The following SLC22A7 variants were observed in gnomAD, a reference collection of about 807,000 sequenced individuals.
SLC22A7 encodes hOAT2.
A neutral mutation model predicts 62.2 loss-of-function variants in SLC22A7; 48 were observed. The ratio of observed to expected loss-of-function variants is 0.77; its 90% CI spans 0.61 to 0.98. The LOEUF (loss-of-function observed/expected upper bound fraction) is 0.98, where lower values mean the gene tolerates loss of function less well. Among genes scored for constraint, SLC22A7 ranks in the 50% least tolerant of loss-of-function variants. The probability of loss-of-function intolerance (pLI) is 0.00; values close to 1 mark genes in which losing one functional copy is unlikely to be tolerated. For missense variants in SLC22A7, 581 were observed against 703.8 expected (o/e 0.83, Z 1.97); for synonymous variants, 276 against 314.8 (o/e 0.88, Z 1.30).
In SLC22A7 at chr6:43,299,754, G is replaced by C; in HGVS notation, c.631G>C (p.Gly211Arg). Residue 211 changes from glycine (G) to arginine (R), a missense_variant, in exon 4 of 11, where the codon GGT (glycine) becomes CGT (arginine). Transcript: ENST00000372585. The surrounding 1 kb of genome is among the most constrained non-coding windows in gnomAD (Gnocchi z 4.4). ...CACCCTTACTGGCTCAGCCCTGGCT[G>C]GTTTTACCATCATCGTGATGCCACT... The part of the protein sequence containing the change: ...TRTLTGSALA[G>R]FTIIVMPLEL... 6.2e-7 allele frequency: 1 copy of C among 1,614,214 alleles called. No homozygotes were observed. The highest frequency in any genetic ancestry group is 8.5e-7 in the Non-Finnish European group (1 of 1,180,036).
At position 43,302,189 on chromosome 6, in the gene SLC22A7, A is replaced by G. The variant is rs1482941187; in HGVS notation, c.1062-11A>G. ...GGAGGGTCCGCCAAGTGGCACTGAG[A>G]CTCCTTTCAGGTTCGGAGTGAACTT... On this transcript the variant is annotated splice_polypyrimidine_tract_variant and intron_variant, in intron 7 of 10. Transcript: ENST00000372585. The surrounding 1 kb of genome is among the most constrained non-coding windows in gnomAD (Gnocchi z 5.0). 6.4e-7 allele frequency: 1 copy of G among 1,552,676 alleles called. No individual in the cohort carries two copies. Among genetic ancestry groups the G allele is most frequent in the African/African-American group, 1.4e-5 (1 of 73,458 alleles).
rs1025460427 is a variant in SLC22A7, at chr6:43,302,989, T to C, written c.1385+226T>C. On this transcript the variant is annotated intron_variant, in intron 9 of 10. Coordinates refer to ENST00000372585, the MANE Select transcript of SLC22A7 (RefSeq NM_153320.2). This position sits in a 1 kb window ranked among gnomAD's most constrained non-coding sequence, Gnocchi z 5.0. ...CCAAAAGTGCTCGTATTACAGGCAC[T>C]ATTACAGGCATGAGCCACCGCACCC... The C allele has an allele frequency of 2.3e-6, 1 of 433,762 alleles. No homozygotes were observed. Among genetic ancestry groups the C allele is most frequent in the Non-Finnish European group, 3.1e-6 (1 of 326,092 alleles). The allele number at this position is 433,762 out of a possible 1,614,324, so 26.9% of individuals were successfully genotyped here.
chr6:43,301,777 T>G, intron 7 of SLC22A7, 85 bp downstream of exon 7: 2 of 945,596 alleles, frequency 2.1e-6, no homozygotes, highest in Non-Finnish European at 3.2e-6. Context: ...AGAAGGGCTC[T>G]GAGGGACAAG....
chr6:43,302,570 C>A lies in SLC22A7; in HGVS notation c.1277-85C>A. 8.1e-7 allele frequency: 1 copy of A among 1,235,246 alleles called. No individual in the cohort carries two copies. Among genetic ancestry groups the A allele is most frequent in the Non-Finnish European group, 1.1e-6 (1 of 871,186 alleles). The allele number at this position is 1,235,246 out of a possible 1,614,324, so 76.5% of individuals were successfully genotyped here. A position where few individuals can be genotyped will look rare whatever the true frequency, so the allele number is the denominator to read the frequency against. The stretch of plus-strand genomic sequence containing the variant: ...AGACTCTCCACCACTTAAGTTTGGC[C>A]CACTCTGGAGACTCCGCACCCTATC... On this transcript the variant is annotated intron_variant, in intron 8 of 10. Coordinates refer to ENST00000372585, the MANE Select transcript of SLC22A7 (RefSeq NM_153320.2). This position sits in a 1 kb window ranked among gnomAD's most constrained non-coding sequence, Gnocchi z 5.0.
At chr6:43,304,284 T>C (rs754331517) in intron 10 of SLC22A7, 40 bp downstream of exon 10, 3 of 1,429,768 alleles carry the variant, frequency 2.1e-6, no homozygotes, top group East Asian at 2.5e-5. Flanking sequence ...TGTGATAACA[T>C]GCATATGGAT....
rs183244641 is a variant in SLC22A7 at position 43,302,063 on chromosome 6, G to C, written c.1062-137G>C. ...CACAGAGGGCATTATGGATGTCAGG[G>C]AAGGTCCTGGCGGGGGGACCGGGGG... On this transcript the variant is annotated intron_variant, in intron 7 of 10. Coordinates refer to ENST00000372585, the MANE Select transcript of SLC22A7 (RefSeq NM_153320.2). This position sits in a 1 kb window ranked among gnomAD's most constrained non-coding sequence, Gnocchi z 5.0. 8.2e-6 allele frequency: 6 copies of C among 736,076 alleles called. No individual in the cohort carries two copies. In the Admixed American group the frequency reaches 1.4e-4, roughly 17 times the overall value. The allele number at this position is 736,076 out of a possible 1,614,324, so 45.6% of individuals were successfully genotyped here.
At chr6:43,300,960 C>T (rs575765485) in intron 5 of SLC22A7, among the ~76,000 whole-genome samples, 175 bp from the exon 6 acceptor site, 17 of 152,142 alleles carry the variant, frequency 1.1e-4, no homozygotes, top group Non-Finnish European at 2.2e-4. Context: ...TTAAACTGGG[C>T]ATTAAAAGAT....
intron 1 of SLC22A7, 83 bp downstream of exon 1, chr6:43,298,834 G>A (rs1028890703): frequency 2.0e-6 from 3 of 1,501,560 alleles, no homozygotes; most frequent in African/African-American, 1.4e-5. Flanking sequence ...GGCATTAGAT[G>A]TATTACTTTA....
At position 43,304,114 on chromosome 6, in the gene SLC22A7, G is replaced by C. The variant is rs746332677; in HGVS notation, c.1462G>C (p.Gly488Arg). 6.2e-7 allele frequency: 1 copy of C among 1,606,810 alleles called. No individual in the cohort carries two copies. The highest frequency in any genetic ancestry group is 8.5e-7 in the Non-Finnish European group (1 of 1,175,776). ...SLAPLAALLDGVWLSLPKLTY... is the reference protein window; with the variant it reads ...SLAPLAALLDRVWLSLPKLTY... ...GGCCCCACTGGCGGCCTTGCTGGAT[G>C]GAGTGTGGCTGTCACTGCCCAAGCT... Residue 488 changes from glycine (G) to arginine (R), a missense_variant, in exon 10 of 11, where the codon GGA becomes CGA. By Grantham distance (125) the Gly-to-Arg change is moderately radical. Transcript: ENST00000372585.
rs1259261870 is a variant in SLC22A7, at chr6:43,302,773, C to G, written c.1385+10C>G. The G allele has an allele frequency of 6.4e-7, 1 of 1,564,636 alleles. No homozygotes were observed. Among genetic ancestry groups the G allele is most frequent in the Non-Finnish European group, 8.8e-7 (1 of 1,139,554 alleles). ...ACCCTACGGTGCTCAGGTGAGGAAGCCTGCAACTGATCTGGGGGTATGGGG... is the reference window on the plus strand; with the variant it reads ...ACCCTACGGTGCTCAGGTGAGGAAGGCTGCAACTGATCTGGGGGTATGGGG... On this transcript the variant is annotated intron_variant, in intron 9 of 10. Transcript: ENST00000372585. This position sits in a 1 kb window ranked among gnomAD's most constrained non-coding sequence, Gnocchi z 5.0.
chr6:43,298,916 G>A (rs769491344), intron 1 of SLC22A7, among the ~76,000 whole-genome samples, 165 bp downstream of exon 1: 2 of 152,176 alleles, frequency 1.3e-5, no homozygotes, highest in Non-Finnish European at 2.9e-5. Flanking sequence ...TTCATGGCTT[G>A]TAGTAACAGG....
At position 43,302,245 on chromosome 6, in the gene SLC22A7, G is replaced by A. The variant is rs201482820; in HGVS notation, c.1107G>A (p.Ser369=). The part of the protein sequence containing the change: ...FSYYGLSLDV[S]GLGLNVYQTQ... The stretch of plus-strand genomic sequence containing the variant: ...ATTACGGCCTGAGTCTGGATGTGTC[G>A]GGGCTGGGGCTGAACGTGTACCAGA... Residue 369 remains serine, a synonymous_variant, in exon 8 of 11, where the codon TCG becomes TCA. Transcript: ENST00000372585. This position sits in a 1 kb window ranked among gnomAD's most constrained non-coding sequence, Gnocchi z 5.0. 2.3e-5 allele frequency: 37 copies of A among 1,608,592 alleles called. No homozygotes were observed. The highest frequency in any genetic ancestry group is 1.2e-4 in the South Asian group (11 of 90,504).
In SLC22A7 at chr6:43,301,611, G is replaced by C. The variant is rs1299289219; in HGVS notation, c.980G>C (p.Arg327Pro). The change falls in exon 7 of 11, where the codon CGG (arginine) becomes CCG (proline). Residue 327 changes from arginine (R) to proline (P), a missense_variant. Transcript: ENST00000372585. ...EAVSKVAAGE[R>P]VVRRPSYLDL... ...GTGAGCAAAGTGGCCGCCGGGGAAC[G>C]GGTGGTCCGAAGACCTTCATACCTA... 1 of 1,614,100 alleles carries C rather than the reference G, an allele frequency of 6.2e-7. No homozygotes were observed. The highest frequency in any genetic ancestry group is 8.5e-7 in the Non-Finnish European group (1 of 1,179,996).
intron 5 of SLC22A7, among the ~76,000 whole-genome samples, chr6:43,300,499 C>T (rs994917106): frequency 6.6e-6 from 1 of 152,132 alleles, no homozygotes; most frequent in African/African-American, 2.4e-5. Flanking sequence ...CTCATTCCCT[C>T]CTGCCACCCA....
rs1342711640 is a variant in SLC22A7, at chr6:43,298,551, C to T, written c.193C>T (p.Leu65=). The T allele has an allele frequency of 6.2e-7, 1 of 1,613,682 alleles. No homozygotes were observed. The highest frequency in any genetic ancestry group is 1.3e-5 in the African/African-American group (1 of 74,934). ...PANFSHQDVW[L]EAHLPREPDG... ...CAACTTCAGCCATCAGGATGTGTGG[C>T]TGGAGGCCCATCTTCCCCGGGAGCC... The change falls in exon 1 of 11, where the codon CTG becomes TTG. Residue 65 remains leucine, a synonymous_variant. Transcript: ENST00000372585.
In SLC22A7 at chr6:43,299,637, C is replaced by T. The variant is rs963325606; in HGVS notation, c.514C>T (p.Arg172Trp). 2.5e-6 allele frequency: 4 copies of T among 1,614,156 alleles called. No homozygotes were observed. The highest frequency in any genetic ancestry group is 3.4e-6 in the Non-Finnish European group (4 of 1,180,026). Residue 172 changes from arginine (R) to tryptophan (W), a missense_variant, in exon 4 of 11, where the codon CGG becomes TGG. Coordinates refer to ENST00000372585, the MANE Select transcript of SLC22A7 (RefSeq NM_153320.2). The surrounding 1 kb of genome is among the most constrained non-coding windows in gnomAD (Gnocchi z 4.4). ...ATGACCCCTTTGCAGGTTTGGGCGG[C>T]GGCGTCTGCTGCTGGTAGCCTACGT... ...FGYLSDRFGR[R>W]RLLLVAYVST... is the part of the protein sequence containing the mutation.
Position 43,302,813 on chromosome 6 carries a change from G to T in SLC22A7, c.1385+50G>T, listed in dbSNP as rs942398402. Reference sequence around the variant, plus strand: ...GGGGTATGGGGCTTGTTAGTCACGTGTCTTAACCAACACTTCTACATACAC... The same window carrying T: ...GGGGTATGGGGCTTGTTAGTCACGTTTCTTAACCAACACTTCTACATACAC... On this transcript the variant is annotated intron_variant, in intron 9 of 10. Transcript: ENST00000372585. This position sits in a 1 kb window ranked among gnomAD's most constrained non-coding sequence, Gnocchi z 5.0. 1 of 1,241,108 alleles carries T rather than the reference G, an allele frequency of 8.1e-7. No individual in the cohort carries two copies. Among genetic ancestry groups the T allele is most frequent in the Non-Finnish European group, 1.2e-6 (1 of 855,984 alleles). 76.9% of individuals were successfully genotyped at this position (1,241,108 alleles called of 1,614,324 possible).
Position 43,305,345 on chromosome 6 carries a change from GCT to G in SLC22A7, c.*621_*622del, listed in dbSNP as rs1778900638. 4.4e-6 allele frequency: 1 copy of G among 227,302 alleles called. No homozygotes were observed. The highest frequency in any genetic ancestry group is 8.6e-6 in the Non-Finnish European group (1 of 115,912). The allele number at this position is 227,302 out of a possible 1,614,324, so 14.1% of individuals were successfully genotyped here. On this transcript the variant is annotated 3_prime_UTR_variant, in exon 11 of 11. Coordinates refer to ENST00000372585, the MANE Select transcript of SLC22A7 (RefSeq NM_153320.2). ...AGGCCCAAGGGACAAAAAGAACAGA[GCT>G]TTTTGTTCTCATGGCTGGCCCTGCT...
At chr6:43,301,820 C>A in intron 7 of SLC22A7, 128 bp downstream of exon 7, 1 of 662,912 alleles carries the variant, frequency 1.5e-6, no homozygotes, top group Non-Finnish European at 2.5e-6. Context: ...GGAGGATAAA[C>A]CTCCATGGGC....
Sources: gnomAD v4.1 joint callset for allele counts (sites outside exome capture counted in the v4.1 genomes callset) on GRCh38, gnomAD v4.1.1 for gene constraint, Gnocchi (gnomAD v3.1) non-coding constraint, MANE v1.5 for transcripts, NCBI Gene and HGNC (gene_info 2026-07-23, HGNC 2026-07-21) for gene names.